Variants in MRPL3 observed in about 807,000 individuals in gnomAD.
MRPL3 encodes mitochondrial ribosomal protein L3.
MRPL3 carries 43 observed loss-of-function variants against 44.3 expected under a neutral mutation model. That is an observed-to-expected ratio of 0.97 (90% confidence interval 0.76 to 1.25). MRPL3 has a LOEUF of 1.25. MRPL3 is among the 50% of genes most tolerant of loss of function. MRPL3 has a pLI of 0.00. For missense variants in MRPL3, 406 were observed against 427.6 expected, an observed-to-expected ratio of 0.95 and a Z score of 0.45; for synonymous variants, 171 against 152.3, an observed-to-expected ratio of 1.12 and a Z score of -0.91.
chr3:131,467,467 A>G lies in MRPL3; in HGVS notation c.894+624T>C, dbSNP rs1933637868. On this transcript the variant is annotated intron_variant, in intron 9 of 9. Coordinates refer to ENST00000264995, the MANE Select transcript of MRPL3 (RefSeq NM_007208.4). ...TTGTCCCCGCCCAAATCTCATGTCAAATTGTAATCCCCAATGTTAGAAGAG... is the reference window on the plus strand; with the variant it reads ...TTGTCCCCGCCCAAATCTCATGTCAGATTGTAATCCCCAATGTTAGAAGAG... 2.0e-5 allele frequency among the ~76,000 whole-genome samples: 3 copies of G among 152,072 alleles called. No individual in the cohort carries two copies. The South Asian group carries it at 6.2e-4, about 32-fold the overall frequency.
intron 9 of MRPL3, 69 bp from the exon 10 acceptor site, chr3:131,462,944 C>T (rs1933524273): frequency 3.0e-6 from 4 of 1,354,616 alleles, no homozygotes; most frequent in Non-Finnish European, 4.1e-6. Context: ...AGCTATTATT[C>T]ATAATCAAAG....
intron 4 of MRPL3, among the ~76,000 whole-genome samples, chr3:131,496,943 T>G (rs1276701140): frequency 6.6e-6 from 1 of 152,192 alleles, no homozygotes; most frequent in Admixed American, 6.5e-5. Flanking sequence ...GCAGCCACAT[T>G]ACACTTCTCT....
chr3:131,483,768 C>G (rs1030624437), intron 6 of MRPL3, among the ~76,000 whole-genome samples: 2 of 152,140 alleles, frequency 1.3e-5, no homozygotes, highest in Non-Finnish European at 2.9e-5. Context: ...TAGACAGATA[C>G]TTCTCACACT....
intron 1 of MRPL3, chr3:131,501,953 C>T (rs1390417164): frequency 4.6e-6 from 7 of 1,512,888 alleles, no homozygotes; most frequent in Non-Finnish European, 5.3e-6. Flanking sequence ...CTTCTCCTCG[C>T]AGATAAACAT....
chr3:131,486,364 CAAAAAAAAA>C (rs36151946), intron 6 of MRPL3, among the ~76,000 whole-genome samples: 3 of 46,706 alleles, frequency 6.4e-5, no homozygotes, highest in East Asian at 2.1e-3. Context: ...TTCTGCACGG[CAAAAAAAAA>C]AAAAAAAAAA....
chr3:131,472,053 G>A (rs948113550), intron 6 of MRPL3, among the ~76,000 whole-genome samples: 5 of 152,134 alleles, frequency 3.3e-5, no homozygotes, highest in Admixed American at 6.6e-5. Flanking sequence ...CCAAGTCAGA[G>A]GCATCCAGGT....
At chr3:131,499,836 C>G (rs1396576574) in intron 3 of MRPL3, among the ~76,000 whole-genome samples, 3 of 152,242 alleles carry the variant, frequency 2.0e-5, no homozygotes, top group Admixed American at 2.0e-4. Flanking sequence ...CATTTATCAT[C>G]TGGTGCAATC....
At chr3:131,487,090 T>C (rs1357963449) in intron 6 of MRPL3, 5 of 152,264 alleles carry the variant, frequency 3.3e-5, no homozygotes, top group Non-Finnish European at 7.3e-5. Flanking sequence ...TAACAAAATG[T>C]AGCACATATA....
At chr3:131,490,116 A>T in intron 4 of MRPL3, 36 bp from the exon 5 acceptor site, 1 of 1,417,206 alleles carries the variant, frequency 7.1e-7, no homozygotes, top group African/African-American at 1.4e-5. Context: ...TAATACATTG[A>T]ATATTAAAAG....
chr3:131,468,782 A>C (rs1456501638), intron 8 of MRPL3, among the ~76,000 whole-genome samples: 1 of 152,122 alleles, frequency 6.6e-6, no homozygotes, highest in Admixed American at 6.6e-5. Flanking sequence ...GGTCTCTGAT[A>C]AGTATAAATG....
intron 5 of MRPL3, among the ~76,000 whole-genome samples, chr3:131,488,174 T>C (rs1040568206): frequency 5.9e-5 from 9 of 152,180 alleles, no homozygotes; most frequent in African/African-American, 1.4e-4. Flanking sequence ...GTCCCTCATA[T>C]GGTGTGTAAT....
At chr3:131,494,854 G>A (rs1223977915) in intron 4 of MRPL3, among the ~76,000 whole-genome samples, 1 of 151,998 alleles carries the variant, frequency 6.6e-6, no homozygotes, top group Non-Finnish European at 1.5e-5. Flanking sequence ...CAATTTAAAA[G>A]ACTGACAGTA....
intron 1 of MRPL3, chr3:131,501,938 T>A (rs933662340): frequency 1.3e-6 from 2 of 1,530,966 alleles, no homozygotes; most frequent in East Asian, 2.4e-5. Context: ...GAGAAAAAAA[T>A]TCATCTTCTC....
In MRPL3 at chr3:131,489,998, T is replaced by C; in HGVS notation, c.551A>G (p.Asn184Ser). Residue 184 changes from asparagine to serine, a missense_variant, in exon 5 of 10, where the codon AAT (asparagine) becomes AGT (serine). By Grantham distance (46) the Asn-to-Ser change is conservative (BLOSUM62 1). Transcript: ENST00000264995. ...QTVKIFNITD[N>S]AAIKPGTPLY... is the part of the protein sequence containing the mutation. ...CAAATTACCTGGTTTAATTGCAGCA[T>C]TATCTGTTATATTAAAGATTTTAAC... 6.2e-7 allele frequency: 1 copy of C among 1,607,904 alleles called. No individual in the cohort carries two copies.
chr3:131,501,866 T>C lies in MRPL3; in HGVS notation c.93-151A>G, dbSNP rs1291955230. On this transcript the variant is annotated intron_variant, in intron 1 of 9. Transcript: ENST00000264995. ...TACCTTTTTTTCAGGTCTCCAACCT[T>C]TTCCTCACTCCCCACATTCCTTCGG... The C allele has an allele frequency of 2.6e-6, 4 of 1,546,158 alleles. No homozygotes were observed. The East Asian group carries it at 7.3e-5, about 28-fold the overall frequency.
In MRPL3 at chr3:131,499,876, ATTAT is replaced by A. The variant is rs889403779; in HGVS notation, c.369+550_369+553del. On this transcript the variant is annotated intron_variant, in intron 3 of 9. Transcript: ENST00000264995. ...CAATAACCTTTTGAAGTAGCTCACA[ATTAT>A]TTCTTTTACAGAATAGAGTATCTTT... Among the ~76,000 whole-genome samples, 199 of 152,316 alleles carry A rather than the reference ATTAT, an allele frequency of 1.3e-3. 1 individual carries two copies. The highest frequency in any genetic ancestry group is 4.4e-3 in the African/African-American group (184 of 41,580).
intron 1 of MRPL3, 38 bp downstream of exon 1, chr3:131,502,692 C>T (rs1295389539): frequency 1.3e-6 from 2 of 1,547,844 alleles, no homozygotes; most frequent in African/African-American, 1.4e-5. Context: ...TGCTTCAGGA[C>T]GCAACTGTGC....
chr3:131,500,883 T>A lies in MRPL3; in HGVS notation c.278-362A>T, dbSNP rs1582722924. ...TTATTCATTAGAAAACATCTATCAC[T>A]CAAACTCTGAGAAGTTAGCTGAGGC... On this transcript the variant is annotated intron_variant, in intron 2 of 9. Transcript: ENST00000264995. 2.0e-5 allele frequency among the ~76,000 whole-genome samples: 3 copies of A among 152,224 alleles called. 1 individual carries two copies. In the South Asian group the frequency reaches 6.2e-4, roughly 32 times the overall value.
chr3:131,470,415 T>G (rs1414790443), intron 7 of MRPL3, among the ~76,000 whole-genome samples: 1 of 152,098 alleles, frequency 6.6e-6, no homozygotes, highest in African/African-American at 2.4e-5. Flanking sequence ...TCTCACAATA[T>G]AAACACTTTT....
Sources: gnomAD v4.1 joint callset for allele counts (sites outside exome capture counted in the v4.1 genomes callset) on GRCh38, gnomAD v4.1.1 for gene constraint, MANE v1.5 for transcripts, NCBI Gene and HGNC (gene_info 2026-07-23, HGNC 2026-07-21) for gene names.